Variants in PEBP4 observed in about 807,000 individuals in gnomAD.
The protein encoded by PEBP4 is phosphatidylethanolamine binding protein 4, also known as phosphatidylethanolamine-binding protein 4.
PEBP4 carries 22 observed loss-of-function variants against 23.9 expected under a neutral mutation model. That is an observed-to-expected ratio of 0.92 (90% CI 0.66 to 1.31). The LOEUF (loss-of-function observed/expected upper bound fraction) is 1.31. Ranked by LOEUF, PEBP4 falls within the 40% of genes most tolerant of loss-of-function variation. The pLI, the probability that PEBP4 is intolerant of heterozygous loss-of-function variation, is 0.00. For synonymous variants in PEBP4, 112 were observed against 99.3 expected (o/e 1.13, Z -0.76); for missense variants, 324 against 281.7 (o/e 1.15, Z -1.07).
intron 3 of PEBP4, among the ~76,000 whole-genome samples, chr8:22,888,665 AC>A (rs149454773): frequency 2.1e-3 from 324 of 152,266 alleles, no homozygotes; most frequent in African/African-American, 7.6e-3. Context: ...ATCTTCCTAA[AC>A]CATTAATTTC....
chr8:22,855,865 A>G (rs982665411), intron 3 of PEBP4, among the ~76,000 whole-genome samples: 9 of 151,900 alleles, frequency 5.9e-5, no homozygotes, highest in Non-Finnish European at 1.2e-4. Context: ...ACAAAGTGAG[A>G]CCCCATTTTT....
chr8:22,765,297 C>A (rs146215411), intron 4 of PEBP4, among the ~76,000 whole-genome samples: 125 of 152,244 alleles, frequency 8.2e-4, no homozygotes, highest in Non-Finnish European at 1.5e-3. Flanking sequence ...GTATGTGCCA[C>A]CACACCCAGC....
Position 22,890,145 on chromosome 8 carries a change from C to A in PEBP4, c.258+30039G>T, listed in dbSNP as rs193071781. 4.2e-3 allele frequency among the ~76,000 whole-genome samples: 641 copies of A among 152,266 alleles called. 5 individuals carry two copies. The highest frequency in any genetic ancestry group is 0.015 in the African/African-American group (611 of 41,550). ...GGTGATGGAGAAGAGGTAGCTTCCT[C>A]CCCTGGGGACTCAGCAACAATTGCG... On this transcript the variant is annotated intron_variant, in intron 3 of 6. Transcript: ENST00000256404.
At chr8:22,874,565 C>T (rs1015522624) in intron 3 of PEBP4, among the ~76,000 whole-genome samples, 6 of 151,926 alleles carry the variant, frequency 3.9e-5, no homozygotes, top group Admixed American at 6.6e-5. Flanking sequence ...CGTATTTCTA[C>T]GGCATATGAA....
chr8:22,897,538 C>CT (rs1210046496), intron 3 of PEBP4, among the ~76,000 whole-genome samples: 1 of 152,162 alleles, frequency 6.6e-6, no homozygotes, highest in Non-Finnish European at 1.5e-5. Flanking sequence ...TTTTGCTTTT[C>CT]TTATTCAAAC....
intron 2 of PEBP4, among the ~76,000 whole-genome samples, chr8:22,927,269 CTCTCTCTGAGGG>C (rs1809360654): frequency 6.7e-6 from 1 of 148,196 alleles, no homozygotes; most frequent in Admixed American, 6.6e-5. Context: ...CTCTCTGGGT[CTCTCTCTGAGGG>C]TCTCAGCCTC....
intron 3 of PEBP4, among the ~76,000 whole-genome samples, chr8:22,898,726 C>T (rs1027331096): frequency 2.2e-4 from 33 of 152,282 alleles, no homozygotes; most frequent in African/African-American, 7.5e-4. Flanking sequence ...AAGTCCTTCT[C>T]GATGACCTGG....
chr8:22,768,867 G>A (rs190627631), intron 4 of PEBP4, among the ~76,000 whole-genome samples: 1 of 152,344 alleles, frequency 6.6e-6, no homozygotes. Context: ...GAGGCCGAAG[G>A]AACCGCCCGT....
intron 1 of PEBP4, among the ~76,000 whole-genome samples, chr8:22,933,704 A>T (rs1809495647): frequency 6.6e-6 from 1 of 152,262 alleles, no homozygotes; most frequent in African/African-American, 2.4e-5. Flanking sequence ...AAAAGATGAC[A>T]GTAAGCTGAA....
intron 4 of PEBP4, among the ~76,000 whole-genome samples, chr8:22,776,354 T>C (rs1049790624): frequency 2.0e-5 from 3 of 152,184 alleles, no homozygotes; most frequent in Non-Finnish European, 4.4e-5. Flanking sequence ...GGCCAATGTA[T>C]GTTGACGCTG....
chr8:22,785,501 G>A (rs926863281), intron 4 of PEBP4, among the ~76,000 whole-genome samples: 3 of 152,140 alleles, frequency 2.0e-5, no homozygotes, highest in Non-Finnish European at 2.9e-5. Context: ...AATTGAGGTC[G>A]GCGGTCTGGC....
intron 3 of PEBP4, among the ~76,000 whole-genome samples, chr8:22,869,954 G>C (rs546816075): frequency 1.2e-4 from 19 of 152,316 alleles, no homozygotes; most frequent in African/African-American, 4.3e-4. Context: ...TTCATTGCTG[G>C]TGGGAATGCA....
intron 3 of PEBP4, among the ~76,000 whole-genome samples, chr8:22,891,108 G>A (rs548135858): frequency 9.7e-4 from 148 of 152,326 alleles, no homozygotes; most frequent in African/African-American, 3.4e-3. Flanking sequence ...GATTACAGGC[G>A]TGAGCCACTG....
At chr8:22,787,246 C>T (rs893371174) in intron 4 of PEBP4, among the ~76,000 whole-genome samples, 8 of 151,996 alleles carry the variant, frequency 5.3e-5, no homozygotes, top group African/African-American at 7.2e-5. Flanking sequence ...GGAGAGGGGT[C>T]GTATTTTTCT....
intron 4 of PEBP4, among the ~76,000 whole-genome samples, chr8:22,771,054 T>TCC: frequency 6.6e-6 from 1 of 152,374 alleles, no homozygotes; most frequent in Non-Finnish European, 1.5e-5. Flanking sequence ...GCCATGAGCA[T>TCC]CCCATCACCT....
chr8:22,739,826 T>G lies in PEBP4; in HGVS notation c.358-12606A>C, dbSNP rs1202573283. 1.3e-5 allele frequency among the ~76,000 whole-genome samples: 2 copies of G among 152,088 alleles called. 1 individual carries two copies. ...ACGAGAAGATGGGTACTGTCTTGGCTTACTCTGCTCTCCTCATGTGCCACC... is the reference window on the plus strand; with the variant it reads ...ACGAGAAGATGGGTACTGTCTTGGCGTACTCTGCTCTCCTCATGTGCCACC... On this transcript the variant is annotated intron_variant, in intron 4 of 6. Coordinates refer to ENST00000256404, the MANE Select transcript of PEBP4 (RefSeq NM_144962.3).
At chr8:22,754,413 TC>T (rs1415584308) in intron 4 of PEBP4, among the ~76,000 whole-genome samples, 1 of 152,236 alleles carries the variant, frequency 6.6e-6, no homozygotes, top group African/African-American at 2.4e-5. Flanking sequence ...CACAAATTTT[TC>T]TATTTAATTC....
rs200954559 is a variant in PEBP4 at position 22,724,903 on chromosome 8, A to G, written c.457T>C (p.Phe153Leu). The G allele has an allele frequency of 3.8e-5, 62 of 1,614,090 alleles. No individual in the cohort carries two copies. Among genetic ancestry groups the G allele is most frequent in the Non-Finnish European group, 4.9e-5 (58 of 1,180,040 alleles). The part of the protein sequence containing the change: ...AHSGFHRYQF[F>L]VYLQEGKVIS... ...ACTTTTCCTTCCTGAAGATAGACAA[A>G]GAACTGGTAGCGATGGAAGCCACTG... The change falls in exon 6 of 7, where the codon TTT becomes CTT. Residue 153 changes from phenylalanine to leucine, a missense_variant. Phe to Leu is a conservative substitution (Grantham distance 22). Coordinates refer to ENST00000256404, the MANE Select transcript of PEBP4 (RefSeq NM_144962.3).
chr8:22,909,161 T>C (rs753498172), intron 3 of PEBP4, among the ~76,000 whole-genome samples: 19 of 152,064 alleles, frequency 1.2e-4, no homozygotes, highest in Non-Finnish European at 1.6e-4. Context: ...CGGTCACCTA[T>C]CTCCCCCTGG....
Sources: allele counts gnomAD v4.1 joint callset (sites outside exome capture counted in the v4.1 genomes callset), GRCh38; gene constraint gnomAD v4.1.1; transcripts MANE v1.5; gene names NCBI Gene and HGNC (gene_info 2026-07-23, HGNC 2026-07-21).